VRK1: variants seen among roughly 807,000 people sequenced by gnomAD.
VRK1 encodes the protein VRK serine/threonine kinase 1, also known as serine/threonine-protein kinase VRK1.
In VRK1, 33 loss-of-function variants were observed where a neutral mutation model predicts 57.1. The ratio of observed to expected loss-of-function variants is 0.58; its 90% CI spans 0.44 to 0.77. The LOEUF (loss-of-function observed/expected upper bound fraction) is 0.77. Among genes scored for constraint, VRK1 ranks in the 30% least tolerant of loss-of-function variants. The pLI, the probability that VRK1 is intolerant of heterozygous loss-of-function variation, is 0.00. For missense variants in VRK1, 413 were observed against 477.3 expected (o/e 0.87, Z 1.25); for synonymous variants, 137 against 147.8 (o/e 0.93, Z 0.53).
chr14:96,858,874 A>G (rs780300281), intron 10 of VRK1: 1 of 152,086 alleles, frequency 6.6e-6, no homozygotes, highest in Non-Finnish European at 1.5e-5. Flanking sequence ...TGCCCTTTGC[A>G]TTTCTATTTA....
At chr14:96,866,450 C>T (rs1285048844) in intron 11 of VRK1, among the ~76,000 whole-genome samples, 1 of 152,162 alleles carries the variant, frequency 6.6e-6, no homozygotes, top group African/African-American at 2.4e-5. Context: ...GATCTCTTCT[C>T]CATGACTTTA....
intron 1 of VRK1, among the ~76,000 whole-genome samples, chr14:96,822,283 T>C (rs141845803): frequency 5.9e-5 from 9 of 152,252 alleles, no homozygotes; most frequent in Admixed American, 1.3e-4. Context: ...GTAAACAAAT[T>C]AATTAAGCAG....
At chr14:96,869,655 A>G (rs528690094) in intron 11 of VRK1, among the ~76,000 whole-genome samples, 2 of 152,336 alleles carry the variant, frequency 1.3e-5, no homozygotes, top group East Asian at 3.9e-4. Flanking sequence ...AAGAACATAT[A>G]AGTCAAATTA....
intron 11 of VRK1, among the ~76,000 whole-genome samples, chr14:96,865,471 T>C (rs1483774161): frequency 6.6e-6 from 1 of 152,204 alleles, no homozygotes; most frequent in Non-Finnish European, 1.5e-5. Flanking sequence ...TCTCCAACTT[T>C]TATTTCTTTA....
In VRK1 at chr14:96,855,311, G is replaced by C. The variant is rs1023430903; in HGVS notation, c.664G>C (p.Asp222His). 1 of 1,613,964 alleles carries C rather than the reference G, an allele frequency of 6.2e-7. No individual in the cohort carries two copies. Among genetic ancestry groups the C allele is most frequent in the Admixed American group, 1.7e-5 (1 of 59,998 alleles). The change falls in exon 8 of 13, where the codon GAT becomes CAT. Residue 222 changes from aspartate (D) to histidine (H), a missense_variant. By Grantham distance (81) the Asp-to-His change is moderately conservative (BLOSUM62 -1). Transcript: ENST00000216639. ...CAAAGAAGACCCCAAAAGATGTCACGATGGCACTATTGAATTCACGAGCAT... is the reference window on the plus strand; with the variant it reads ...CAAAGAAGACCCCAAAAGATGTCACCATGGCACTATTGAATTCACGAGCAT... ...EYKEDPKRCH[D>H]GTIEFTSIDA...
At chr14:96,827,303 G>T (rs1886835837) in intron 1 of VRK1, among the ~76,000 whole-genome samples, 1 of 152,134 alleles carries the variant, frequency 6.6e-6, no homozygotes, top group Admixed American at 6.6e-5. Flanking sequence ...CCTGGACAGT[G>T]TTAGATTTTG....
At chr14:96,837,633 T>C (rs1887272244) in intron 2 of VRK1, 129 bp from the exon 3 acceptor site, 1 of 442,650 alleles carries the variant, frequency 2.3e-6, no homozygotes, top group Non-Finnish European at 3.8e-6. Context: ...TGTACTGTAA[T>C]GATATCCTGA....
intron 3 of VRK1, among the ~76,000 whole-genome samples, chr14:96,844,169 C>T (rs1887580270): frequency 6.6e-6 from 1 of 152,086 alleles, no homozygotes; most frequent in Non-Finnish European, 1.5e-5. Flanking sequence ...CTACCAAAGA[C>T]CTATTCTTAG....
chr14:96,859,002 G>A (rs1258267946), intron 10 of VRK1: 1 of 152,068 alleles, frequency 6.6e-6, no homozygotes, highest in South Asian at 2.1e-4. Context: ...TCTTTATACT[G>A]TTGAGTCTTC....
intron 11 of VRK1, among the ~76,000 whole-genome samples, chr14:96,866,033 A>G (rs551684213): frequency 6.6e-6 from 1 of 152,112 alleles, no homozygotes; most frequent in South Asian, 2.1e-4. Flanking sequence ...GTTTTCTTTC[A>G]GAGGTGGAGT....
chr14:96,843,346 C>G (rs139668241), intron 3 of VRK1, among the ~76,000 whole-genome samples: 1 of 152,214 alleles, frequency 6.6e-6, no homozygotes. Context: ...CCTAACAGGT[C>G]ATTGTACTGT....
chr14:96,870,417 C>T (rs925697944), intron 11 of VRK1, among the ~76,000 whole-genome samples: 9 of 152,144 alleles, frequency 5.9e-5, no homozygotes, highest in African/African-American at 2.2e-4. Flanking sequence ...AAGTTTTCGA[C>T]CTTAATGGTG....
intron 11 of VRK1, among the ~76,000 whole-genome samples, chr14:96,867,821 G>T (rs1312748779): frequency 2.6e-5 from 4 of 152,028 alleles, no homozygotes; most frequent in Non-Finnish European, 2.9e-5. Context: ...AAGGGTACTA[G>T]TTCTTTTTTT....
chr14:96,820,294 A>G (rs995825823), intron 1 of VRK1, among the ~76,000 whole-genome samples: 13 of 151,836 alleles, frequency 8.6e-5, no homozygotes, highest in South Asian at 4.2e-4. Flanking sequence ...CACCTTCCCA[A>G]TTTGCTTCAA....
chr14:96,805,642 G>T (rs1428335316), intron 1 of VRK1, among the ~76,000 whole-genome samples: 1 of 152,120 alleles, frequency 6.6e-6, no homozygotes, highest in East Asian at 1.9e-4. Flanking sequence ...AATAGAACCT[G>T]TATAGTGTCG....
rs144404103 is a variant in VRK1 at position 96,850,736 on chromosome 14, A to G, written c.375-2095A>G. Among the ~76,000 whole-genome samples the G allele has an allele frequency of 2.0e-3, 310 of 152,316 alleles. 2 individuals carry two copies. The highest frequency in any genetic ancestry group is 3.3e-3 in the East Asian group (17 of 5,190). ...ACAGGTTAAGTATGCCTTATCTGAA[A>G]TGTTGGCACCAGAAGTATTTTAGAT... On this transcript the variant is annotated intron_variant, in intron 5 of 12. Transcript: ENST00000216639.
rs1885739274 is a variant in VRK1 at position 96,803,287 on chromosome 14, TCAG to T, written c.-6+5842_-6+5844del. 2.0e-5 allele frequency among the ~76,000 whole-genome samples: 3 copies of T among 151,380 alleles called. No individual in the cohort carries two copies. In the South Asian group the frequency reaches 6.3e-4, roughly 32 times the overall value. On this transcript the variant is annotated intron_variant, in intron 1 of 12. Transcript: ENST00000216639. ...CCCAGGGTCAAGCGATTCTCTTGCC[TCAG>T]CCTCCCTAGTAGCTGGGTCACAGGC...
At chr14:96,827,448 C>T (rs867875421) in intron 1 of VRK1, among the ~76,000 whole-genome samples, 1 of 151,828 alleles carries the variant, frequency 6.6e-6, no homozygotes. Context: ...TCTACTTACT[C>T]TCCTGTAAGC....
At chr14:96,877,152 A>T (rs972081387) in intron 12 of VRK1, among the ~76,000 whole-genome samples, 9 of 152,204 alleles carry the variant, frequency 5.9e-5, no homozygotes, top group Non-Finnish European at 1.0e-4. Flanking sequence ...GGTTAAAAAA[A>T]AATTTTACAG....
Sources: allele counts gnomAD v4.1 joint callset (sites outside exome capture counted in the v4.1 genomes callset), GRCh38; gene constraint gnomAD v4.1.1; transcripts MANE v1.5; gene names NCBI Gene and HGNC (gene_info 2026-07-23, HGNC 2026-07-21).